The following ZNF322 variants were observed in gnomAD, a reference collection of about 807,000 sequenced individuals.
ZNF322 encodes HLA complex group 12.
A neutral mutation model predicts 18.3 loss-of-function variants in ZNF322; 1 was observed. The observed-to-expected ratio is 0.05, with a 90% CI of 0.02 to 0.26. The LOEUF (loss-of-function observed/expected upper bound fraction) is 0.26. Among genes scored for constraint, ZNF322 ranks in the 10% least tolerant of loss-of-function variants. The probability of loss-of-function intolerance (pLI) is 1.00; values close to 1 mark genes in which losing one functional copy is unlikely to be tolerated. For missense variants in ZNF322, 36 were observed against 403.6 expected (o/e 0.09, Z 7.80); for synonymous variants, 17 against 130.7 (o/e 0.13, Z 5.93).
intron 2 of ZNF322, among the ~76,000 whole-genome samples, chr6:26,648,664 A>C (rs1158932409): frequency 5.3e-5 from 8 of 152,270 alleles, no homozygotes; most frequent in African/African-American, 1.7e-4. Flanking sequence ...TAATTGGAAC[A>C]CACAATGATA....
intron 2 of ZNF322, among the ~76,000 whole-genome samples, chr6:26,649,637 A>ATATATGTGTGTG (rs1561924633): frequency 1.5e-5 from 1 of 67,606 alleles, no homozygotes; most frequent in South Asian, 6.7e-4. Flanking sequence ...ATACATACAT[A>ATATATGTGTGTG]TGTGTGTGTG....
chr6:26,656,331 C>T (rs1346957987), intron 2 of ZNF322, among the ~76,000 whole-genome samples: 1 of 152,166 alleles, frequency 6.6e-6, no homozygotes, highest in Non-Finnish European at 1.5e-5. Flanking sequence ...AGAACAAAGA[C>T]ACTGCCGGTA....
At chr6:26,650,674 A>G (rs1554149117) in intron 2 of ZNF322, among the ~76,000 whole-genome samples, 2 of 152,224 alleles carry the variant, frequency 1.3e-5, no homozygotes, top group Non-Finnish European at 2.9e-5. Flanking sequence ...AATTAAAAAC[A>G]CAATACCATT....
intron 2 of ZNF322, among the ~76,000 whole-genome samples, chr6:26,647,068 G>T (rs1347897039): frequency 6.6e-6 from 1 of 151,862 alleles, no homozygotes; most frequent in Non-Finnish European, 1.5e-5. Flanking sequence ...CAAAAGCTAA[G>T]AAAAAAATAA....
chr6:26,649,508 G>A (rs1328966330), intron 2 of ZNF322, among the ~76,000 whole-genome samples: 2 of 151,558 alleles, frequency 1.3e-5, no homozygotes, highest in South Asian at 2.1e-4. Flanking sequence ...GAAATGATAA[G>A]ATACTACAAG....
intron 2 of ZNF322, among the ~76,000 whole-genome samples, chr6:26,648,371 C>T (rs1765593124): frequency 6.6e-6 from 1 of 152,064 alleles, no homozygotes; most frequent in Admixed American, 6.5e-5. Flanking sequence ...AGAAAAACTA[C>T]AATAATTTTT....
chr6:26,649,691 A>G (rs1194361674), intron 2 of ZNF322, among the ~76,000 whole-genome samples: 11 of 70,362 alleles, frequency 1.6e-4, no homozygotes, highest in Non-Finnish European at 2.3e-4. Context: ...ATATATATAT[A>G]TATATATATA....
intron 3 of ZNF322, among the ~76,000 whole-genome samples, chr6:26,642,685 C>G (rs192792962): frequency 6.6e-6 from 1 of 152,260 alleles, no homozygotes; most frequent in Non-Finnish European, 1.5e-5. Context: ...AAGCATTACT[C>G]CTATTTTCTT....
chr6:26,636,887 C>T lies in ZNF322; in HGVS notation c.*458G>A, dbSNP rs1430436577. On this transcript the variant is annotated 3_prime_UTR_variant, in exon 4 of 4. Transcript: ENST00000415922. The stretch of plus-strand genomic sequence containing the variant: ...AGAGTTTTGTTAGAAGCTTTTTTCA[C>T]ACTTGCTGGGGCTTCTCCCCAGGGT... 1.0e-4 allele frequency: 11 copies of T among 109,566 alleles called. No homozygotes were observed. The highest frequency in any genetic ancestry group is 1.7e-4 in the Non-Finnish European group (9 of 53,348). The allele number at this position is 109,566 out of a possible 1,614,324, so 6.8% of individuals were successfully genotyped here.
chr6:26,645,994 G>A (rs1765552068), intron 2 of ZNF322, among the ~76,000 whole-genome samples: 1 of 151,786 alleles, frequency 6.6e-6, no homozygotes, highest in Non-Finnish European at 1.5e-5. Context: ...TCAGGCCATT[G>A]CACTCCAGCC....
chr6:26,642,895 C>T (rs1442663194), intron 3 of ZNF322, among the ~76,000 whole-genome samples: 4 of 152,196 alleles, frequency 2.6e-5, no homozygotes, highest in Non-Finnish European at 5.9e-5. Context: ...TTCTTTCTCA[C>T]ACCTCACAAT....
At chr6:26,647,851 T>C (rs930036182) in intron 2 of ZNF322, among the ~76,000 whole-genome samples, 4 of 149,110 alleles carry the variant, frequency 2.7e-5, no homozygotes, top group African/African-American at 9.8e-5. Context: ...GAAGAGAGCA[T>C]AAAAAAATTT....
In ZNF322 at chr6:26,636,505, G is replaced by A. The variant is rs1171789842; in HGVS notation, c.*840C>T. 6.6e-6 allele frequency: 1 copy of A among 151,808 alleles called. No homozygotes were observed. The highest frequency in any genetic ancestry group is 1.5e-5 in the Non-Finnish European group (1 of 67,992). The allele number at this position is 151,808 out of a possible 1,614,324, so 9.4% of individuals were successfully genotyped here. A position where few individuals can be genotyped will look rare whatever the true frequency, so the allele number is the denominator to read the frequency against. On this transcript the variant is annotated 3_prime_UTR_variant, in exon 4 of 4. Transcript: ENST00000415922. Reference sequence around the variant, plus strand: ...ATGTAAAGTCCTCTCTACCATATGAGTCAACTAACTATGAGAACAGTCTTC... The same window carrying A: ...ATGTAAAGTCCTCTCTACCATATGAATCAACTAACTATGAGAACAGTCTTC...
intron 2 of ZNF322, among the ~76,000 whole-genome samples, chr6:26,655,845 G>A (rs13215020): frequency 0.2 from 29,652 of 152,014 alleles, 3,030 homozygotes; most frequent in African/African-American, 0.24. Flanking sequence ...AAATGACACA[G>A]CAAGAAGGCT....
Position 26,659,567 on chromosome 6 carries a change from G to A in ZNF322, c.-461C>T. 1 of 166,816 alleles carries A rather than the reference G, an allele frequency of 6.0e-6. No individual in the cohort carries two copies. The allele number at this position is 166,816 out of a possible 1,614,324, so 10.3% of individuals were successfully genotyped here. A position where few individuals can be genotyped will look rare whatever the true frequency, so the allele number is the denominator to read the frequency against. On this transcript the variant is annotated 5_prime_UTR_variant, in exon 1 of 4. Coordinates refer to ENST00000415922, the MANE Select transcript of ZNF322 (RefSeq NM_024639.5). ...AGTAGATCTAAGGGCCAGGCTTCGG[G>A]AAGGAAAGAAAAGCGAACCCGGCAC... is the stretch of plus-strand genomic sequence containing the variant.
intron 3 of ZNF322, among the ~76,000 whole-genome samples, chr6:26,639,071 AT>A (rs1186364918): frequency 6.6e-6 from 1 of 152,220 alleles, no homozygotes; most frequent in African/African-American, 2.4e-5. Context: ...GTGAATGAGT[AT>A]CTCTGGAGTC....
intron 2 of ZNF322, among the ~76,000 whole-genome samples, chr6:26,649,645 G>A (rs1765618358): frequency 2.4e-4 from 5 of 20,534 alleles, no homozygotes; most frequent in East Asian, 1.5e-3. Flanking sequence ...ATATGTGTGT[G>A]TGTGTGTGTG....
intron 3 of ZNF322, among the ~76,000 whole-genome samples, chr6:26,641,195 T>C (rs1054326274): frequency 2.9e-4 from 44 of 152,200 alleles, no homozygotes; most frequent in African/African-American, 9.2e-4. Flanking sequence ...TTGTAGTAAG[T>C]AAAAGTTATT....
rs1554147972 is a variant in ZNF322 at position 26,638,202 on chromosome 6, G to C, written c.352C>G (p.Gln118Glu). ...FWHHLALSGHQRTHAGKKFYT... is the reference protein window; with the variant it reads ...FWHHLALSGHERTHAGKKFYT... ...AATTTTTTACCTGCATGTGTTCTCT[G>C]ATGTCCTGAAAGCGCTAAGTGATGC... Residue 118 changes from glutamine (Q) to glutamate (E), a missense_variant, in exon 4 of 4, where the codon CAG becomes GAG. Physicochemically the swap from Gln to Glu is conservative, Grantham distance 29. Coordinates refer to ENST00000415922, the MANE Select transcript of ZNF322 (RefSeq NM_024639.5). 6.2e-7 allele frequency: 1 copy of C among 1,613,718 alleles called. No homozygotes were observed. Among genetic ancestry groups the C allele is most frequent in the Non-Finnish European group, 8.5e-7 (1 of 1,179,802 alleles).
Sources: allele counts gnomAD v4.1 joint callset (sites outside exome capture counted in the v4.1 genomes callset), GRCh38; gene constraint gnomAD v4.1.1; transcripts MANE v1.5; gene names NCBI Gene and HGNC (gene_info 2026-07-23, HGNC 2026-07-21).